Variants in MINAR1 observed in about 807,000 individuals in gnomAD.
The protein encoded by MINAR1 is membrane integral NOTCH2 associated receptor 1.
A neutral mutation model predicts 65.1 loss-of-function variants in MINAR1; 40 were observed. That is an observed-to-expected ratio of 0.61 (90% CI 0.48 to 0.80). The LOEUF (loss-of-function observed/expected upper bound fraction) is 0.80. Ranked by LOEUF, MINAR1 falls within the 30% of genes least tolerant of loss-of-function variation. The probability of loss-of-function intolerance (pLI) is 0.00; values close to 1 mark genes in which losing one functional copy is unlikely to be tolerated. For synonymous variants in MINAR1, 482 were observed against 449.1 expected (o/e 1.07, Z -0.93); for missense variants, 1,128 against 1,148.0 (o/e 0.98, Z 0.25).
At chr15:79,448,044 A>G (rs1278004731) in intron 1 of MINAR1, among the ~76,000 whole-genome samples, 1 of 151,998 alleles carries the variant, frequency 6.6e-6, no homozygotes, top group Non-Finnish European at 1.5e-5. Context: ...TACCTCTGTG[A>G]TTTTTCAATC....
intron 1 of MINAR1, among the ~76,000 whole-genome samples, chr15:79,441,808 C>T (rs1434531951): frequency 1.3e-5 from 2 of 151,928 alleles, no homozygotes; most frequent in Non-Finnish European, 2.9e-5. Flanking sequence ...AACCCTTAGT[C>T]TTTAGTACTT....
At position 79,458,046 on chromosome 15, in the gene MINAR1, A is replaced by G; in HGVS notation, c.1899A>G (p.Lys633=). ...GCAAACTAAATAAATTGGACCAGAA[A>G]ATGCAACAGCCTGAGAAGGTGAGTG... ...VLGKLNKLDQ[K]MQQPEKVSVQ... is the part of the protein sequence containing the mutation. The change falls in exon 2 of 4, where the codon AAA becomes AAG. Residue 633 remains lysine (K), a synonymous_variant. Transcript: ENST00000305428. The G allele has an allele frequency of 3.1e-6, 5 of 1,614,164 alleles. No homozygotes were observed. Among genetic ancestry groups the G allele is most frequent in the Non-Finnish European group, 4.2e-6 (5 of 1,180,046 alleles).
chr15:79,460,957 C>A (rs1290404501), intron 2 of MINAR1, among the ~76,000 whole-genome samples: 1 of 152,188 alleles, frequency 6.6e-6, no homozygotes, highest in Non-Finnish European at 1.5e-5. Context: ...TTATGTGAAT[C>A]CTCCACCAAG....
chr15:79,413,286 G>T, the MINAR1 span: 1 of 152,354 alleles, frequency 6.6e-6, no homozygotes, highest in African/African-American at 2.4e-5. Flanking sequence ...GTGGACCCAA[G>T]CTCCCTTCAA....
At chr15:79,420,738 A>T in the MINAR1 span, 3 of 152,084 alleles carry the variant, frequency 2.0e-5, no homozygotes, top group Non-Finnish European at 4.4e-5. Flanking sequence ...CCAGTTCATC[A>T]CCTCTTTTAC....
At position 79,457,320 on chromosome 15, in the gene MINAR1, G is replaced by C; in HGVS notation, c.1173G>C (p.Glu391Asp). The C allele has an allele frequency of 6.2e-7, 1 of 1,614,184 alleles. No individual in the cohort carries two copies. Residue 391 changes from glutamate to aspartate, a missense_variant, in exon 2 of 4, where the codon GAG becomes GAC. By Grantham distance (45) the Glu-to-Asp change is conservative (BLOSUM62 2). Transcript: ENST00000305428. ...TTTTCAATAGAAATCCCTCCGAGGA[G>C]AAGCTACACTATCCAAATGCCAGTA... Reference protein sequence around the residue: ...RSFFNRNPSEEKLHYPNASSQ... With the variant: ...RSFFNRNPSEDKLHYPNASSQ...
At chr15:79,440,155 A>G (rs1196103309) in intron 1 of MINAR1, among the ~76,000 whole-genome samples, 1 of 152,146 alleles carries the variant, frequency 6.6e-6, no homozygotes, top group Non-Finnish European at 1.5e-5. Flanking sequence ...TTATAAATGC[A>G]TATTTCCAGG....
Position 79,470,570 on chromosome 15 carries a change from G to T in MINAR1, c.*2186G>T, listed in dbSNP as rs1329507334. On this transcript the variant is annotated 3_prime_UTR_variant, in exon 4 of 4. Coordinates refer to ENST00000305428, the MANE Select transcript of MINAR1 (RefSeq NM_015206.3). ...GCCCTTGGTGAATCTATTCCTAGTG[G>T]ACCCCATTTGGGCATGTGCCTAGCT... 1 of 152,190 alleles carries T rather than the reference G, an allele frequency of 6.6e-6. No homozygotes were observed. The highest frequency in any genetic ancestry group is 1.5e-5 in the Non-Finnish European group (1 of 68,050). 9.4% of individuals were successfully genotyped at this position (152,190 alleles called of 1,614,324 possible). A position where few individuals can be genotyped will look rare whatever the true frequency, so the allele number is the denominator to read the frequency against.
chr15:79,412,255 T>C, the MINAR1 span: 1 of 152,144 alleles, frequency 6.6e-6, no homozygotes, highest in Non-Finnish European at 1.5e-5. Flanking sequence ...AGGCAGATCT[T>C]GCCTTCTCTG....
chr15:79,457,883 G>A lies in MINAR1; in HGVS notation c.1736G>A (p.Gly579Asp), dbSNP rs769029984. ...GTCCCCAACAGCAAGGGAGACAAGG[G>A]CAACCGGCCTGAAAACACCCACCAC... ...NGVPNSKGDKGNRPENTHHSE... is the reference protein window; with the variant it reads ...NGVPNSKGDKDNRPENTHHSE... Residue 579 changes from glycine to aspartate, a missense_variant, in exon 2 of 4, where the codon GGC becomes GAC. Physicochemically the swap from Gly to Asp is moderately conservative, Grantham distance 94 (BLOSUM62 -1). Coordinates refer to ENST00000305428, the MANE Select transcript of MINAR1 (RefSeq NM_015206.3). 2 of 1,614,078 alleles carry A rather than the reference G, an allele frequency of 1.2e-6. No homozygotes were observed. The highest frequency in any genetic ancestry group is 1.7e-5 in the Admixed American group (1 of 60,022).
At position 79,432,336 on chromosome 15, in the gene MINAR1, A is replaced by C. The variant is rs1295804144; in HGVS notation, c.-255A>C. ...GTGTGAGCGCCGCGCGTGTGAGCGCAGACCTGGACTCGGGCGGCGGAGGCG... is the reference window on the plus strand; with the variant it reads ...GTGTGAGCGCCGCGCGTGTGAGCGCCGACCTGGACTCGGGCGGCGGAGGCG... On this transcript the variant is annotated 5_prime_UTR_variant, in exon 1 of 4. Transcript: ENST00000305428. Among the ~76,000 whole-genome samples the C allele has an allele frequency of 6.8e-6, 1 of 148,140 alleles. No homozygotes were observed. Among genetic ancestry groups the C allele is most frequent in the Non-Finnish European group, 1.5e-5 (1 of 66,918 alleles).
At position 79,469,274 on chromosome 15, in the gene MINAR1, T is replaced by TTTGGAACTTGTCC. The variant is rs1327226935; in HGVS notation, c.*894_*906dup. 23 of 152,726 alleles carry TTTGGAACTTGTCC rather than the reference T, an allele frequency of 1.5e-4. No individual in the cohort carries two copies. Among genetic ancestry groups the TTTGGAACTTGTCC allele is most frequent in the African/African-American group, 5.5e-4 (23 of 41,560 alleles). The allele number at this position is 152,726 out of a possible 1,614,324, so 9.5% of individuals were successfully genotyped here. A position where few individuals can be genotyped will look rare whatever the true frequency, so the allele number is the denominator to read the frequency against. ...TGCCTCTCATACATGAGTTGAAGAG[T>TTTGGAACTTGTCC]TTGGAACTTGTCCTTGTGCCTTGAA... On this transcript the variant is annotated 3_prime_UTR_variant, in exon 4 of 4. Transcript: ENST00000305428.
rs117353527 is a variant in MINAR1 at position 79,452,373 on chromosome 15, T to G, written c.-50-3725T>G. ...GTGTGAGTGTGTCTGGGTATATGTA[T>G]GTCCCTGAGTCTGCATGACTGAAGC... On this transcript the variant is annotated intron_variant, in intron 1 of 3. Transcript: ENST00000305428. Among the ~76,000 whole-genome samples, 5 of 152,056 alleles carry G rather than the reference T, an allele frequency of 3.3e-5. No individual in the cohort carries two copies. In the East Asian group the frequency reaches 7.7e-4, roughly 24 times the overall value.
chr15:79,472,118 G>T lies in MINAR1; in HGVS notation c.*3734G>T, dbSNP rs953250742. The T allele has an allele frequency of 5.2e-5, 8 of 152,490 alleles. No homozygotes were observed. The highest frequency in any genetic ancestry group is 1.7e-4 in the African/African-American group (7 of 41,384). The allele number at this position is 152,490 out of a possible 1,614,324, so 9.4% of individuals were successfully genotyped here. ...GTCTTTTCTATGTTTGTTCTGTACAGCTCTCAGCACACTCTTGGTGCTTGA... is the reference window on the plus strand; with the variant it reads ...GTCTTTTCTATGTTTGTTCTGTACATCTCTCAGCACACTCTTGGTGCTTGA... On this transcript the variant is annotated 3_prime_UTR_variant, in exon 4 of 4. Coordinates refer to ENST00000305428, the MANE Select transcript of MINAR1 (RefSeq NM_015206.3).
intron 1 of MINAR1, among the ~76,000 whole-genome samples, chr15:79,454,908 C>T (rs190970230): frequency 6.9e-4 from 92 of 132,838 alleles, no homozygotes; most frequent in Admixed American, 4.2e-3. Flanking sequence ...CTTCATTGTA[C>T]GTACATTTTA....
rs564652604 is a variant in MINAR1, at chr15:79,454,541, G to T, written c.-50-1557G>T. Among the ~76,000 whole-genome samples the T allele has an allele frequency of 2.4e-4, 37 of 152,264 alleles. 1 individual carries two copies. The highest frequency in any genetic ancestry group is 8.2e-4 in the African/African-American group (34 of 41,548). On this transcript the variant is annotated intron_variant, in intron 1 of 3. Coordinates refer to ENST00000305428, the MANE Select transcript of MINAR1 (RefSeq NM_015206.3). ...TGTGTGTCTGTAAGTCTTAGAACCCGCATCTATGTTTATCAACAAAGGGCT... is the reference window on the plus strand; with the variant it reads ...TGTGTGTCTGTAAGTCTTAGAACCCTCATCTATGTTTATCAACAAAGGGCT...
chr15:79,437,593 A>T (rs1422651149), intron 1 of MINAR1, among the ~76,000 whole-genome samples: 1 of 125,502 alleles, frequency 8.0e-6, no homozygotes, highest in Non-Finnish European at 1.7e-5. Context: ...TAGTGAGTGC[A>T]TGTGAATGTG....
At chr15:79,461,662 C>A (rs1895644345) in intron 2 of MINAR1, among the ~76,000 whole-genome samples, 1 of 152,150 alleles carries the variant, frequency 6.6e-6, no homozygotes, top group Admixed American at 6.5e-5. Context: ...CTAGAATAGC[C>A]AAATGTTATG....
intron 1 of MINAR1, among the ~76,000 whole-genome samples, chr15:79,437,842 TG>T (rs1567049192): frequency 1.5e-4 from 2 of 13,242 alleles, no homozygotes; most frequent in East Asian, 3.0e-3. Flanking sequence ...AGGGAGTGTG[TG>T]GGGTGTGGGT....
Sources: gnomAD v4.1 joint callset for allele counts (sites outside exome capture counted in the v4.1 genomes callset) on GRCh38, gnomAD v4.1.1 for gene constraint, MANE v1.5 for transcripts, NCBI Gene and HGNC (gene_info 2026-07-23, HGNC 2026-07-21) for gene names.